ST3GAL6: variants seen among roughly 807,000 people sequenced by gnomAD.
ST3GAL6 encodes the protein type 2 lactosamine alpha-2,3-sialyltransferase.
Under a neutral mutation model 40.5 loss-of-function variants are expected in ST3GAL6, and 31 were observed. The ratio of observed to expected loss-of-function variants is 0.77; its 90% CI spans 0.58 to 1.03. The LOEUF is 1.03. ST3GAL6 is among the 50% of genes least tolerant of loss of function. The pLI is 0.00. For synonymous variants in ST3GAL6, 129 were observed against 136.9 expected, an observed-to-expected ratio of 0.94 and a Z score of 0.40; for missense variants, 357 against 393.2, an observed-to-expected ratio of 0.91 and a Z score of 0.78.
intron 1 of ST3GAL6, among the ~76,000 whole-genome samples, chr3:98,748,654 C>T (rs1268429715): frequency 3.9e-5 from 6 of 152,118 alleles, no homozygotes; most frequent in East Asian, 1.9e-4. Flanking sequence ...TTCGTAGAGA[C>T]GGGGTTTTGC....
Position 98,739,398 on chromosome 3 carries a change from A to C in ST3GAL6, c.-12+6866A>C, listed in dbSNP as rs2439219. ...CAGAAAACAAACAAACAAAAAAAAA[A>C]CCCCAAAAAAACCCATGCAAAATGC... is the stretch of plus-strand genomic sequence containing the variant. On this transcript the variant is annotated intron_variant, in intron 1 of 9. Transcript: ENST00000265261. 3.7e-3 allele frequency among the ~76,000 whole-genome samples: 544 copies of C among 145,750 alleles called. 1 individual carries two copies. Among genetic ancestry groups the C allele is most frequent in the African/African-American group, 0.011 (423 of 39,600 alleles).
intron 5 of ST3GAL6, chr3:98,782,216 G>A (rs944632274): frequency 3.8e-5 from 27 of 702,680 alleles, no homozygotes; most frequent in Non-Finnish European, 6.2e-5. Context: ...GAAACAGAGA[G>A]CCCAGGACCA....
At chr3:98,773,575 C>T (rs879644571) in intron 4 of ST3GAL6, 46 of 171,468 alleles carry the variant, frequency 2.7e-4, no homozygotes, top group Non-Finnish European at 5.7e-4. Context: ...TATTTTAAAA[C>T]TATTTTGCAG....
chr3:98,733,389 G>C, intron 1 of ST3GAL6: 1 of 1,035,660 alleles, frequency 9.7e-7, no homozygotes, highest in Non-Finnish European at 1.2e-6. Context: ...GCGAGGTTGT[G>C]CAATTGGGAA....
At chr3:98,776,600 A>G (rs554880978) in intron 5 of ST3GAL6, among the ~76,000 whole-genome samples, 2 of 152,280 alleles carry the variant, frequency 1.3e-5, no homozygotes, top group South Asian at 4.1e-4. Context: ...CTTTCAAGTT[A>G]CTTTCCTCCT....
chr3:98,771,629 TC>T (rs1559741860), intron 3 of ST3GAL6, among the ~76,000 whole-genome samples: 1 of 152,216 alleles, frequency 6.6e-6, no homozygotes, highest in African/African-American at 2.4e-5. Flanking sequence ...TCATTTTTTT[TC>T]CTATTGTCTT....
chr3:98,760,530 A>G (rs917158780), upstream of ST3GAL6, among the ~76,000 whole-genome samples: 1 of 152,222 alleles, frequency 6.6e-6, no homozygotes, highest in Non-Finnish European at 1.5e-5. Flanking sequence ...GAAATTCTTG[A>G]TATTAATAGA....
Position 98,795,188 on chromosome 3 carries a change from G to C in ST3GAL6, c.*1427G>C, listed in dbSNP as rs2107398074. Reference sequence around the variant, plus strand: ...AGGATGGAACTAAAAGTTGTCAGAAGAGGTATGAGCTGAAGAAAGAATTAC... The same window carrying C: ...AGGATGGAACTAAAAGTTGTCAGAACAGGTATGAGCTGAAGAAAGAATTAC... On this transcript the variant is annotated 3_prime_UTR_variant, in exon 10 of 10. Transcript: ENST00000483910. 1 of 152,316 alleles carries C rather than the reference G, an allele frequency of 6.6e-6. No homozygotes were observed. The highest frequency in any genetic ancestry group is 6.5e-5 in the Admixed American group (1 of 15,298). The allele number at this position is 152,316 out of a possible 1,614,324, so 9.4% of individuals were successfully genotyped here.
In ST3GAL6 at chr3:98,773,784, A is replaced by G. The variant is rs566453647; in HGVS notation, c.272-136A>G. 8 of 592,960 alleles carry G rather than the reference A, an allele frequency of 1.3e-5. No homozygotes were observed. The South Asian group carries it at 2.1e-4, about 15-fold the overall frequency. 36.7% of individuals were successfully genotyped at this position (592,960 alleles called of 1,614,324 possible). On this transcript the variant is annotated intron_variant, in intron 4 of 9. Coordinates refer to ENST00000483910, the MANE Select transcript of ST3GAL6 (RefSeq NM_001323368.2). ...AGTGCTGGCTAATTGCAGTTGTATC[A>G]TTAATTTTTCACAGAATAAATCAAT...
intron 1 of ST3GAL6, among the ~76,000 whole-genome samples, chr3:98,743,910 C>G (rs926107564): frequency 1.3e-5 from 2 of 150,426 alleles, no homozygotes; most frequent in Admixed American, 1.3e-4. Context: ...CTCCCCCCCC[C>G]GCTCCAAGAG....
At chr3:98,747,271 G>A (rs1936633363) in intron 1 of ST3GAL6, among the ~76,000 whole-genome samples, 1 of 152,088 alleles carries the variant, frequency 6.6e-6, no homozygotes. Flanking sequence ...TCTTCAATAT[G>A]TTTTGTTTTC....
At chr3:98,734,427 A>G (rs1253753722) in intron 1 of ST3GAL6, among the ~76,000 whole-genome samples, 1 of 152,218 alleles carries the variant, frequency 6.6e-6, no homozygotes. Context: ...CTTTGCTTAT[A>G]AGAAGATAAT....
intron 1 of ST3GAL6, chr3:98,733,377 C>T (rs1433822952): frequency 2.9e-6 from 3 of 1,047,458 alleles, no homozygotes; most frequent in Non-Finnish European, 3.4e-6. Flanking sequence ...GTCGAATCGC[C>T]GGCGAGGTTG....
At chr3:98,743,907 C>G (rs113025741) in intron 1 of ST3GAL6, among the ~76,000 whole-genome samples, 2,312 of 150,222 alleles carry the variant, frequency 0.015, 20 homozygotes, top group Non-Finnish European at 0.026. Flanking sequence ...CCCCTCCCCC[C>G]CCCGCTCCAA....
intron 5 of ST3GAL6, chr3:98,782,979 G>A: frequency 6.1e-6 from 2 of 326,982 alleles, no homozygotes; most frequent in South Asian, 5.6e-5. Context: ...GTGCCCATGT[G>A]TGACAAATGT....
intron 3 of ST3GAL6, chr3:98,772,221 A>C (rs1434212967): frequency 6.6e-6 from 1 of 152,312 alleles, no homozygotes; most frequent in Non-Finnish European, 1.5e-5. Flanking sequence ...CTCTGAGGGC[A>C]GTCCCCTAGA....
At chr3:98,784,821 T>G (rs1459447888) in intron 5 of ST3GAL6, 124 bp from the exon 6 acceptor site, 9 of 689,744 alleles carry the variant, frequency 1.3e-5, no homozygotes, top group Non-Finnish European at 1.8e-5. Flanking sequence ...AAGTCGCAGT[T>G]GGTTCTTTTT....
chr3:98,768,408 G>A, intron 1 of ST3GAL6, 22 bp from the exon 2 acceptor site: 1 of 1,587,686 alleles, frequency 6.3e-7, no homozygotes, highest in Non-Finnish European at 8.6e-7. Flanking sequence ...CTTTGCTTTG[G>A]ACTTCATTCC....
intron 3 of ST3GAL6, 196 bp downstream of exon 3, chr3:98,771,152 A>G: frequency 6.7e-7 from 1 of 1,494,360 alleles, no homozygotes; most frequent in Non-Finnish European, 8.9e-7. Flanking sequence ...AAGAAAAGGC[A>G]TTGAGGAACT....
Sources: gnomAD v4.1 joint callset for allele counts (sites outside exome capture counted in the v4.1 genomes callset) on GRCh38, gnomAD v4.1.1 for gene constraint, MANE v1.5 for transcripts, NCBI Gene and HGNC (gene_info 2026-07-23, HGNC 2026-07-21) for gene names.